The following PRPSAP1 variants were observed in gnomAD, a reference collection of about 807,000 sequenced individuals.
PRPSAP1 encodes the protein phosphoribosyl pyrophosphate synthase-associated protein 1.
A neutral mutation model predicts 39.4 loss-of-function variants in PRPSAP1; 31 were observed. The ratio of observed to expected loss-of-function variants is 0.79; its 90% confidence interval spans 0.59 to 1.06. PRPSAP1 has a LOEUF of 1.06. Ranked by LOEUF, PRPSAP1 falls within the 50% of genes least tolerant of loss-of-function variation. PRPSAP1 has a pLI of 0.00. For missense variants in PRPSAP1, 430 were observed against 511.6 expected, an observed-to-expected ratio of 0.84 and a Z score of 1.54; for synonymous variants, 212 against 192.6, an observed-to-expected ratio of 1.10 and a Z score of -0.83.
chr17:76,344,595 T>C (rs2071475976), intron 3 of PRPSAP1, 76 bp downstream of exon 3: 13 of 1,231,738 alleles, frequency 1.1e-5, no homozygotes, highest in Non-Finnish European at 1.5e-5. Flanking sequence ...CACTAAGTTG[T>C]TGTTCATATG....
intron 9 of PRPSAP1, among the ~76,000 whole-genome samples, chr17:76,312,493 C>A (rs925829458): frequency 6.6e-6 from 1 of 152,014 alleles, no homozygotes; most frequent in Middle Eastern, 3.4e-3. Context: ...TTAACTTGGC[C>A]TAGCCCTACC....
intron 7 of PRPSAP1, among the ~76,000 whole-genome samples, chr17:76,321,371 A>T (rs2071196457): frequency 6.6e-6 from 1 of 151,974 alleles, no homozygotes; most frequent in Non-Finnish European, 1.5e-5. Context: ...CCTGACCAAC[A>T]TGGTGAAACC....
intron 7 of PRPSAP1, among the ~76,000 whole-genome samples, chr17:76,319,688 C>CAA: frequency 6.6e-6 from 1 of 151,834 alleles, no homozygotes; most frequent in South Asian, 2.1e-4. Flanking sequence ...AGGCTGACCT[C>CAA]GTGATTCGCC....
At chr17:76,332,548 A>C in intron 3 of PRPSAP1, 113 bp from the exon 4 acceptor site, 2 of 1,209,318 alleles carry the variant, frequency 1.7e-6, no homozygotes, top group Non-Finnish European at 2.3e-6. Flanking sequence ...TGGGAATTTT[A>C]CCATCACACT....
intron 3 of PRPSAP1, among the ~76,000 whole-genome samples, chr17:76,335,007 G>A (rs867075157): frequency 3.9e-5 from 6 of 152,170 alleles, no homozygotes; most frequent in Admixed American, 1.3e-4. Flanking sequence ...GGCCATCTGG[G>A]ACCACTCTCG....
At chr17:76,352,036 C>T (rs1056615424) in intron 1 of PRPSAP1, among the ~76,000 whole-genome samples, 11 of 150,730 alleles carry the variant, frequency 7.3e-5, no homozygotes, top group Non-Finnish European at 1.3e-4. Context: ...GTTTTTTTAA[C>T]ATTCTTCCAC....
At position 76,330,520 on chromosome 17, in the gene PRPSAP1, G is replaced by T. The variant is rs754826301; in HGVS notation, c.579+31C>A. 2.0e-6 allele frequency: 3 copies of T among 1,463,572 alleles called. No homozygotes were observed. In the Admixed American group the frequency reaches 5.7e-5, roughly 28 times the overall value. The allele number at this position is 1,463,572 out of a possible 1,614,324, so 90.7% of individuals were successfully genotyped here. A position where few individuals can be genotyped will look rare whatever the true frequency, so the allele number is the denominator to read the frequency against. ...AAAACTAAATAAGATCTCTTTTGAG[G>T]ACAATGGGGTGTTTGCTGGTGGTTC... On this transcript the variant is annotated intron_variant, in intron 5 of 9. Coordinates refer to ENST00000446526, the MANE Select transcript of PRPSAP1 (RefSeq NM_002766.3).
intron 7 of PRPSAP1, among the ~76,000 whole-genome samples, chr17:76,325,411 CAAAAAAAAAA>C (rs761293363): frequency 1.1e-4 from 2 of 18,886 alleles, no homozygotes; most frequent in Non-Finnish European, 1.7e-4. Flanking sequence ...GACTCAGTCT[CAAAAAAAAAA>C]AAAAAAAAAA....
chr17:76,317,159 G>A (rs1388428600), intron 7 of PRPSAP1, among the ~76,000 whole-genome samples: 1 of 146,380 alleles, frequency 6.8e-6, no homozygotes, highest in Non-Finnish European at 1.5e-5. Context: ...AGACCAGCCT[G>A]GCCAACATGG....
rs765202644 is a variant in PRPSAP1 at position 76,313,000 on chromosome 17, T to A, written c.869A>T (p.Asp290Val). 2 of 1,613,742 alleles carry A rather than the reference T, an allele frequency of 1.2e-6. No individual in the cohort carries two copies. The highest frequency in any genetic ancestry group is 1.7e-6 in the Non-Finnish European group (2 of 1,179,966). ...IAIIVDDIID[D>V]VESFVAAAEI... is the part of the protein sequence containing the mutation. ...CGCGGCAGCAACAAAACTCTCCACA[T>A]CGTCAATAATGTCATCCTGGGAGGA... The change falls in exon 9 of 10, where the codon GAT becomes GTT. Residue 290 changes from aspartate (D) to valine (V), a missense_variant. This residue lies in a region of PRPSAP1 where 278 missense variants were observed against 376.3 expected (regional missense o/e 0.74). Transcript: ENST00000446526.
rs566709566 is a variant in PRPSAP1 at position 76,318,826 on chromosome 17, G to A, written c.782-4935C>T. On this transcript the variant is annotated intron_variant, in intron 7 of 9. Transcript: ENST00000446526. ...TGCCGGGGAAACCATGGTTATGACC[G>A]TTAAGCAACAAAGCAACATCCTCAG... Among the ~76,000 whole-genome samples the A allele has an allele frequency of 3.3e-5, 5 of 152,274 alleles. No homozygotes were observed. The East Asian group carries it at 7.7e-4, about 23-fold the overall frequency.
At chr17:76,334,075 G>A (rs2071354275) in intron 3 of PRPSAP1, among the ~76,000 whole-genome samples, 1 of 152,162 alleles carries the variant, frequency 6.6e-6, no homozygotes, top group South Asian at 2.1e-4. Context: ...TTAAAAAGGG[G>A]TGAGAGCCTT....
In PRPSAP1 at chr17:76,325,262, AC is replaced by A. The variant is rs2056614292; in HGVS notation, c.781+3454del. On this transcript the variant is annotated intron_variant, in intron 7 of 9. Transcript: ENST00000446526. Reference sequence around the variant, plus strand: ...GTCTCTACTAAAAATACAAAAAATTACCCGGGCGTGGTAGCGGGTGCCTGTA... The same window carrying A: ...GTCTCTACTAAAAATACAAAAAATTACCGGGCGTGGTAGCGGGTGCCTGTA... 1.3e-5 allele frequency among the ~76,000 whole-genome samples: 2 copies of A among 149,732 alleles called. 1 individual carries two copies. The highest frequency in any genetic ancestry group is 4.3e-4 in the South Asian group (2 of 4,696).
rs190164479 is a variant in PRPSAP1, at chr17:76,341,281, A to C, written c.290+3390T>G. Reference sequence around the variant, plus strand: ...GAGATAAGATCTGGCTCTGTTGCCCAGGTTAGAGTAGAGTGGTGTAATCAC... The same window carrying C: ...GAGATAAGATCTGGCTCTGTTGCCCCGGTTAGAGTAGAGTGGTGTAATCAC... On this transcript the variant is annotated intron_variant, in intron 3 of 9. Coordinates refer to ENST00000446526, the MANE Select transcript of PRPSAP1 (RefSeq NM_002766.3). Among the ~76,000 whole-genome samples, 43 of 129,564 alleles carry C rather than the reference A, an allele frequency of 3.3e-4. No individual in the cohort carries two copies. In the East Asian group the frequency reaches 8.5e-3, roughly 26 times the overall value. 85.0% of individuals were successfully genotyped at this position (129,564 alleles called of 152,430 possible). A position where few individuals can be genotyped will look rare whatever the true frequency, so the allele number is the denominator to read the frequency against.
chr17:76,353,534 T>G lies in PRPSAP1; in HGVS notation c.170A>C (p.Glu57Ala). 1 of 1,521,530 alleles carries G rather than the reference T, an allele frequency of 6.6e-7. No homozygotes were observed. The highest frequency in any genetic ancestry group is 8.8e-7 in the Non-Finnish European group (1 of 1,138,978). 94.3% of individuals were successfully genotyped at this position (1,521,530 alleles called of 1,614,324 possible). A position where few individuals can be genotyped will look rare whatever the true frequency, so the allele number is the denominator to read the frequency against. Reference sequence around the variant, plus strand: ...CCCGGCCCTCCCACCGCCCCCTTACTCTGTGATGCGCTTGGCCAGCTCCGT... The same window carrying G: ...CCCGGCCCTCCCACCGCCCCCTTACGCTGTGATGCGCTTGGCCAGCTCCGT... ...ACTELAKRITERLGAELGKSV... is the reference protein window; with the variant it reads ...ACTELAKRITARLGAELGKSV... Residue 57 changes from glutamate (E) to alanine (A), a missense_variant and splice_region_variant, in exon 1 of 10, where the codon GAG becomes GCG. Physicochemically the swap from Glu to Ala is moderately radical, Grantham distance 107. This residue lies in a region of PRPSAP1 where 152 missense variants were observed against 135.2 expected (regional missense o/e 1.12). Coordinates refer to ENST00000446526, the MANE Select transcript of PRPSAP1 (RefSeq NM_002766.3).
At position 76,311,656 on chromosome 17, in the gene PRPSAP1, T is replaced by C. The variant is rs10459; in HGVS notation, c.1044A>G (p.Gln348=). 273,899 of 1,613,660 alleles carry C rather than the reference T, an allele frequency of 0.17. 26,969 individuals are homozygous for C. Among genetic ancestry groups the C allele is most frequent in the East Asian group, 0.49 (21,769 of 44,842 alleles). Residue 348 remains glutamine (Q), a synonymous_variant, in exon 10 of 10, where the codon CAA becomes CAG. Transcript: ENST00000446526. ...TATCCACAGTCTTTATCTTGGGACA[T>C]TGCAGCTTCTGAACCTCATGAGGGA... ...NTVPHEVQKL[Q]CPKIKTVDIS...
chr17:76,314,300 A>C (rs1598515528), intron 7 of PRPSAP1: 1 of 208,944 alleles, frequency 4.8e-6, no homozygotes. Flanking sequence ...GCTCACTGCA[A>C]CCTCCGCCTC....
intron 5 of PRPSAP1, 82 bp from the exon 6 acceptor site, chr17:76,330,180 T>A (rs1342554298): frequency 2.4e-6 from 3 of 1,268,080 alleles, no homozygotes; most frequent in Non-Finnish European, 3.4e-6. Context: ...TTTTCCCTCT[T>A]ATAATGATCC....
chr17:76,348,316 T>C (rs141097701), intron 2 of PRPSAP1, among the ~76,000 whole-genome samples: 9,317 of 151,350 alleles, frequency 0.062, 290 homozygotes, highest in African/African-American at 0.082. Flanking sequence ...CTACTAAAAA[T>C]ACAAAAATTA....
Sources: allele counts gnomAD v4.1 joint callset (sites outside exome capture counted in the v4.1 genomes callset), GRCh38; gene constraint gnomAD v4.1.1; regional missense constraint gnomAD v4.1.1; transcripts MANE v1.5; gene names NCBI Gene and HGNC (gene_info 2026-07-23, HGNC 2026-07-21).